Variants in CCSER1 observed in about 807,000 individuals in gnomAD.
CCSER1 encodes coiled-coil serine rich protein 1, also known as serine-rich coiled-coil domain-containing protein 1.
CCSER1 carries 41 observed loss-of-function variants against 82.0 expected under a neutral mutation model. The observed-to-expected ratio is 0.50, with a 90% confidence interval of 0.39 to 0.65. The LOEUF is 0.65. Among genes scored for constraint, CCSER1 ranks in the 30% least tolerant of loss-of-function variants. The probability of loss-of-function intolerance (pLI) is 0.00; values close to 1 mark genes in which losing one functional copy is unlikely to be tolerated. For synonymous variants in CCSER1, 414 were observed against 383.9 expected, an observed-to-expected ratio of 1.08 and a Z score of -0.92; for missense variants, 1,119 against 1,064.2, an observed-to-expected ratio of 1.05 and a Z score of -0.72.
intron 10 of CCSER1, among the ~76,000 whole-genome samples, chr4:91,140,643 G>C (rs1728936513): frequency 1.3e-5 from 2 of 152,124 alleles, no homozygotes; most frequent in South Asian, 2.1e-4. Context: ...TAATTACTCA[G>C]CTGGAGTGAC....
rs1251466241 is a variant in CCSER1, at chr4:91,012,229, G to A, written c.2173-73721G>A. Among the ~76,000 whole-genome samples, 2 of 134,380 alleles carry A rather than the reference G, an allele frequency of 1.5e-5. 1 individual carries two copies. Among genetic ancestry groups the A allele is most frequent in the African/African-American group, 5.0e-5 (2 of 40,360 alleles). The allele number at this position is 134,380 out of a possible 152,430, so 88.2% of individuals were successfully genotyped here. A position where few individuals can be genotyped will look rare whatever the true frequency, so the allele number is the denominator to read the frequency against. On this transcript the variant is annotated intron_variant, in intron 9 of 10. Coordinates refer to ENST00000509176, the MANE Select transcript of CCSER1 (RefSeq NM_001145065.2). ...TACTCAGGCACAGGGTAGTGTGAAT[G>A]CTCTTTGCAGCCAAAGCATTGTTTC...
chr4:91,281,701 T>C (rs141282927), intron 10 of CCSER1, among the ~76,000 whole-genome samples: 1 of 152,356 alleles, frequency 6.6e-6, no homozygotes, highest in Non-Finnish European at 1.5e-5. Flanking sequence ...TTTCCTGTGA[T>C]TTATCTCAAC....
intron 1 of CCSER1, among the ~76,000 whole-genome samples, chr4:90,138,868 G>T (rs1451516863): frequency 1.3e-5 from 2 of 152,126 alleles, no homozygotes; most frequent in Non-Finnish European, 2.9e-5. Flanking sequence ...ATACAGCCCA[G>T]ATTCACATTT....
chr4:91,543,270 G>T (rs1175387556), intron 10 of CCSER1, among the ~76,000 whole-genome samples: 4 of 152,166 alleles, frequency 2.6e-5, no homozygotes, highest in African/African-American at 9.7e-5. Flanking sequence ...TCCAGTCTGT[G>T]TCTTTTAATT....
chr4:91,537,349 C>A (rs953009867), intron 10 of CCSER1, among the ~76,000 whole-genome samples: 1 of 151,986 alleles, frequency 6.6e-6, no homozygotes, highest in Middle Eastern at 3.2e-3. Context: ...TGAACCTAGA[C>A]AGAATAAAAT....
intron 9 of CCSER1, among the ~76,000 whole-genome samples, chr4:90,926,463 T>A (rs1358368303): frequency 6.6e-6 from 1 of 152,032 alleles, no homozygotes; most frequent in African/African-American, 2.4e-5. Context: ...TAGCTGTTGC[T>A]ACACATTTTG....
chr4:90,614,562 A>G (rs1281801454), intron 5 of CCSER1, among the ~76,000 whole-genome samples: 2 of 152,178 alleles, frequency 1.3e-5, no homozygotes, highest in Non-Finnish European at 1.5e-5. Flanking sequence ...ATATGGAGAA[A>G]GTTTTAGTGG....
In CCSER1 at chr4:90,284,500, T is replaced by A. The variant is rs1206005990; in HGVS notation, c.-41-23744T>A. Among the ~76,000 whole-genome samples the A allele has an allele frequency of 4.6e-5, 7 of 151,688 alleles. No homozygotes were observed. The South Asian group carries it at 6.3e-4, about 14-fold the overall frequency. On this transcript the variant is annotated intron_variant, in intron 1 of 10. Transcript: ENST00000509176. ...TTCAGTCTACTTTGAATTGATTTTT[T>A]TTTTTTTTTTTGAGACAGGGGCTTG...
intron 8 of CCSER1, among the ~76,000 whole-genome samples, chr4:90,901,585 T>A (rs919342248): frequency 1.3e-5 from 2 of 152,114 alleles, no homozygotes; most frequent in African/African-American, 2.4e-5. Context: ...CATGTTTTTT[T>A]CTTTAAGAGG....
At chr4:91,332,960 C>T (rs1303107112) in intron 10 of CCSER1, among the ~76,000 whole-genome samples, 1 of 152,050 alleles carries the variant, frequency 6.6e-6, no homozygotes, top group African/African-American at 2.4e-5. Context: ...CACTGTCTCA[C>T]ATGCAACTTC....
chr4:91,061,633 C>T (rs1182944472), intron 9 of CCSER1, among the ~76,000 whole-genome samples: 2 of 152,198 alleles, frequency 1.3e-5, no homozygotes, highest in Non-Finnish European at 1.5e-5. Flanking sequence ...AATTTAGTCT[C>T]ATCCTCAGTT....
chr4:90,984,405 G>T (rs765080643), intron 9 of CCSER1, among the ~76,000 whole-genome samples: 14 of 151,716 alleles, frequency 9.2e-5, no homozygotes, highest in Admixed American at 6.6e-5. Context: ...CTGTCTCTTG[G>T]CTGTACGTTA....
At chr4:90,748,148 C>G (rs62312989) in intron 7 of CCSER1, among the ~76,000 whole-genome samples, 19,620 of 143,362 alleles carry the variant, frequency 0.14, 1,490 homozygotes, top group Non-Finnish European at 0.17. Context: ...AACTCGTCAT[C>G]TAGCATTAGG....
chr4:90,175,357 T>C (rs575838999), intron 1 of CCSER1, among the ~76,000 whole-genome samples: 1 of 152,058 alleles, frequency 6.6e-6, no homozygotes, highest in Non-Finnish European at 1.5e-5. Context: ...GGGTAAGATG[T>C]ATGCTGGCCG....
chr4:91,448,729 T>C (rs1470008456), intron 10 of CCSER1, among the ~76,000 whole-genome samples: 1 of 152,116 alleles, frequency 6.6e-6, no homozygotes. Flanking sequence ...TGTGCCAAGA[T>C]TAATTAATCT....
chr4:90,817,328 CT>C (rs1561190116), intron 8 of CCSER1, among the ~76,000 whole-genome samples: 1 of 151,824 alleles, frequency 6.6e-6, no homozygotes. Flanking sequence ...AAAGAGTATT[CT>C]TTTTTTCTCA....
intron 10 of CCSER1, among the ~76,000 whole-genome samples, chr4:91,355,201 C>CT (rs59032599): frequency 0.019 from 2,920 of 150,538 alleles, 83 homozygotes; most frequent in African/African-American, 0.066. Context: ...GACAGATATA[C>CT]TTTTTTTTTT....
At chr4:91,531,904 G>A (rs1005267640) in intron 10 of CCSER1, among the ~76,000 whole-genome samples, 3 of 152,040 alleles carry the variant, frequency 2.0e-5, no homozygotes, top group Admixed American at 2.0e-4. Context: ...ATAGAGATAA[G>A]GTCTCACTAT....
At chr4:90,237,303 A>G (rs1040041558) in intron 1 of CCSER1, among the ~76,000 whole-genome samples, 3 of 152,182 alleles carry the variant, frequency 2.0e-5, no homozygotes, top group Non-Finnish European at 4.4e-5. Flanking sequence ...AGTACTTAAT[A>G]TCCCCTCTGT....
Sources: gnomAD v4.1 joint callset for allele counts (sites outside exome capture counted in the v4.1 genomes callset) on GRCh38, gnomAD v4.1.1 for gene constraint, MANE v1.5 for transcripts, NCBI Gene and HGNC (gene_info 2026-07-23, HGNC 2026-07-21) for gene names.